Variants in CREB3L2 observed in about 807,000 individuals in gnomAD.
The protein encoded by CREB3L2 is cAMP responsive element binding protein 3 like 2.
A neutral mutation model predicts 57.2 loss-of-function variants in CREB3L2; 23 were observed. The observed-to-expected ratio is 0.40, with a 90% CI of 0.29 to 0.57. The LOEUF (loss-of-function observed/expected upper bound fraction) is 0.57. Ranked by LOEUF, CREB3L2 falls within the 20% of genes least tolerant of loss-of-function variation. The pLI is 0.42. For missense variants in CREB3L2, 628 were observed against 634.7 expected, an observed-to-expected ratio of 0.99 and a Z score of 0.11; for synonymous variants, 268 against 265.1, an observed-to-expected ratio of 1.01 and a Z score of -0.11.
intron 1 of CREB3L2, among the ~76,000 whole-genome samples, chr7:137,983,492 T>C (rs1334797915): frequency 6.6e-6 from 1 of 152,190 alleles, no homozygotes; most frequent in Non-Finnish European, 1.5e-5. Context: ...ATAAGCACTG[T>C]TGACTCAGGC....
rs753919322 is a variant in CREB3L2 at position 137,877,142 on chromosome 7, G to A, written c.*3334C>T. 31 of 228,870 alleles carry A rather than the reference G, an allele frequency of 1.4e-4. No individual in the cohort carries two copies. The highest frequency in any genetic ancestry group is 2.2e-4 in the Non-Finnish European group (25 of 115,514). The allele number at this position is 228,870 out of a possible 1,614,324, so 14.2% of individuals were successfully genotyped here. A position where few individuals can be genotyped will look rare whatever the true frequency, so the allele number is the denominator to read the frequency against. ...CCAATTCAACATCCCAACTTTACGG[G>A]CACGTAAGATTCACAAGCTGAACCA... On this transcript the variant is annotated 3_prime_UTR_variant, in exon 12 of 12. Coordinates refer to ENST00000330387, the MANE Select transcript of CREB3L2 (RefSeq NM_194071.4).
intron 1 of CREB3L2, among the ~76,000 whole-genome samples, chr7:137,932,328 A>T (rs1800665342): frequency 1.3e-5 from 2 of 152,232 alleles, no homozygotes; most frequent in African/African-American, 4.8e-5. Flanking sequence ...AAAAAACACA[A>T]AAGTTTTGTT....
Position 137,880,869 on chromosome 7 carries a change from T to C in CREB3L2, c.1488-318A>G, listed in dbSNP as rs1799278370. ...TATTTACTTAGGATGTTTAGCCCTA[T>C]GCTAAACTCAGGGAAGGAGAAAATA... On this transcript the variant is annotated intron_variant, in intron 11 of 11. Coordinates refer to ENST00000330387, the MANE Select transcript of CREB3L2 (RefSeq NM_194071.4). The surrounding 1 kb of genome is among the most constrained non-coding windows in gnomAD (Gnocchi z 4.0). Among the ~76,000 whole-genome samples, 1 of 152,180 alleles carries C rather than the reference T, an allele frequency of 6.6e-6. No homozygotes were observed.
intron 1 of CREB3L2, chr7:137,957,779 G>C (rs1206634796): frequency 7.8e-7 from 1 of 1,288,670 alleles, no homozygotes; most frequent in African/African-American, 1.5e-5. Flanking sequence ...TACAAGAAGA[G>C]TGGTAAATGC....
intron 1 of CREB3L2, among the ~76,000 whole-genome samples, chr7:137,944,005 T>C (rs1800922075): frequency 6.6e-6 from 1 of 152,182 alleles, no homozygotes. Context: ...TTCGTGACTG[T>C]CTCTGGCATG....
At chr7:137,899,876 ATT>A (rs1799716816) in intron 8 of CREB3L2, among the ~76,000 whole-genome samples, 1 of 152,210 alleles carries the variant, frequency 6.6e-6, no homozygotes, top group Non-Finnish European at 1.5e-5. Flanking sequence ...AATTAAATTC[ATT>A]TGTTATTATC....
chr7:137,887,840 T>A (rs1032305561), intron 8 of CREB3L2, among the ~76,000 whole-genome samples: 1 of 152,254 alleles, frequency 6.6e-6, no homozygotes, highest in African/African-American at 2.4e-5. Flanking sequence ...CTATTTAATG[T>A]GAAGATCTTT....
intron 1 of CREB3L2, among the ~76,000 whole-genome samples, chr7:137,994,122 A>T (rs1801945160): frequency 6.6e-6 from 1 of 152,016 alleles, no homozygotes; most frequent in Non-Finnish European, 1.5e-5. Context: ...CAAGGGCAGC[A>T]CTCCCTCACT....
chr7:137,887,581 C>T (rs1285848707), intron 8 of CREB3L2, among the ~76,000 whole-genome samples: 1 of 152,022 alleles, frequency 6.6e-6, no homozygotes, highest in Non-Finnish European at 1.5e-5. Context: ...CGGTGGCGGG[C>T]GTCTGTAATC....
rs915806965 is a variant in CREB3L2, at chr7:137,876,583, G to A, written c.*3893C>T. ...TCTCTGGATCCTTCACAGCCCTCAC[G>A]TCACCACCACCTACTCTCTCCTGTA... On this transcript the variant is annotated 3_prime_UTR_variant, in exon 12 of 12. Coordinates refer to ENST00000330387, the MANE Select transcript of CREB3L2 (RefSeq NM_194071.4). 5 of 232,858 alleles carry A rather than the reference G, an allele frequency of 2.1e-5. No homozygotes were observed. The highest frequency in any genetic ancestry group is 1.8e-4 in the South Asian group (1 of 5,528). The allele number at this position is 232,858 out of a possible 1,614,324, so 14.4% of individuals were successfully genotyped here.
chr7:137,879,007 T>G lies in CREB3L2; in HGVS notation c.*1469A>C, dbSNP rs941182551. On this transcript the variant is annotated 3_prime_UTR_variant, in exon 12 of 12. Transcript: ENST00000330387. ...AAGGCATTTCAGCTGCTAATAAAAATAAAATACAAACTCTATGCACATTTC... is the reference window on the plus strand; with the variant it reads ...AAGGCATTTCAGCTGCTAATAAAAAGAAAATACAAACTCTATGCACATTTC... 2 of 410,030 alleles carry G rather than the reference T, an allele frequency of 4.9e-6. No individual in the cohort carries two copies. The highest frequency in any genetic ancestry group is 7.6e-5 in the Admixed American group (2 of 26,374). 25.4% of individuals were successfully genotyped at this position (410,030 alleles called of 1,614,324 possible).
At position 137,915,853 on chromosome 7, in the gene CREB3L2, AGAG is replaced by A; in HGVS notation, c.476_478del (p.Pro159del). 6.2e-7 allele frequency: 1 copy of A among 1,614,054 alleles called. No individual in the cohort carries two copies. The highest frequency in any genetic ancestry group is 1.3e-5 in the African/African-American group (1 of 75,054). On this transcript the variant is annotated inframe_deletion, in exon 3 of 12. Coordinates refer to ENST00000330387, the MANE Select transcript of CREB3L2 (RefSeq NM_194071.4). Reference sequence around the variant, plus strand: ...TGAGCATACCCCAGTGTTCATTTCCAGAGGAGGTTCCTCCTTTTCCAACGGGGT... The same window carrying A: ...TGAGCATACCCCAGTGTTCATTTCCAGAGGTTCCTCCTTTTCCAACGGGGT...
intron 8 of CREB3L2, among the ~76,000 whole-genome samples, chr7:137,894,764 C>CT (rs1799591096): frequency 6.6e-6 from 1 of 152,196 alleles, no homozygotes. Context: ...CTCTAAAACA[C>CT]TGAGTCCAAA....
At chr7:137,975,134 A>G (rs1563270944) in intron 1 of CREB3L2, among the ~76,000 whole-genome samples, 1 of 152,222 alleles carries the variant, frequency 6.6e-6, no homozygotes, top group Non-Finnish European at 1.5e-5. Context: ...AATATTAGTT[A>G]CTTTAAAAGA....
chr7:137,906,207 T>C (rs909202271), intron 5 of CREB3L2, among the ~76,000 whole-genome samples: 7 of 152,212 alleles, frequency 4.6e-5, no homozygotes, highest in African/African-American at 1.7e-4. Context: ...AGGATTCATT[T>C]GCAGCCCTGC....
intron 1 of CREB3L2, among the ~76,000 whole-genome samples, chr7:137,973,678 G>A (rs1264313705): frequency 4.8e-5 from 5 of 103,870 alleles, no homozygotes; most frequent in Admixed American, 9.6e-5. Context: ...AGACTGCCAA[G>A]AGGGACCCTA....
At position 137,957,194 on chromosome 7, in the gene CREB3L2, C is replaced by CCACCTGGAAAACTGCTACTT. The variant is rs561563200; in HGVS notation, c.103-28848_103-28829dup. ...CTGGAATTCCACTTCCCTCCCTTCT[C>CCACCTGGAAAACTGCTACTT]CACCTGGAAAACTGCTACTTCCACA... On this transcript the variant is annotated intron_variant, in intron 1 of 11. Transcript: ENST00000330387. Among the ~76,000 whole-genome samples the CCACCTGGAAAACTGCTACTT allele has an allele frequency of 5.6e-3, 846 of 152,278 alleles. 6 individuals are homozygous for CCACCTGGAAAACTGCTACTT. Among genetic ancestry groups the CCACCTGGAAAACTGCTACTT allele is most frequent in the Non-Finnish European group, 9.1e-3 (622 of 68,024 alleles).
intron 4 of CREB3L2, among the ~76,000 whole-genome samples, chr7:137,909,767 T>G (rs1031185743): frequency 3.3e-5 from 5 of 152,158 alleles, no homozygotes; most frequent in Non-Finnish European, 7.3e-5. Flanking sequence ...CCTGATATGG[T>G]TTGGCTGTGT....
rs369958348 is a variant in CREB3L2, at chr7:137,959,797, C to T, written c.103-31431G>A. ...GAAGTAAACTGCATCCTTTGCCATC[C>T]GGCGAGGAAAGTACGTGCAATATTT... On this transcript the variant is annotated intron_variant, in intron 1 of 11. Coordinates refer to ENST00000330387, the MANE Select transcript of CREB3L2 (RefSeq NM_194071.4). 1.9e-4 allele frequency among the ~76,000 whole-genome samples: 29 copies of T among 152,268 alleles called. 3 individuals carry two copies. Among genetic ancestry groups the T allele is most frequent in the African/African-American group, 6.5e-4 (27 of 41,554 alleles).
Sources: gnomAD v4.1 joint callset for allele counts (sites outside exome capture counted in the v4.1 genomes callset) on GRCh38, gnomAD v4.1.1 for gene constraint, Gnocchi (gnomAD v3.1) non-coding constraint, MANE v1.5 for transcripts, NCBI Gene and HGNC (gene_info 2026-07-23, HGNC 2026-07-21) for gene names.